The following NAV3 variants were observed in gnomAD, a reference collection of about 807,000 sequenced individuals.
NAV3 encodes the protein neuron navigator 3.
In NAV3, 87 loss-of-function variants were observed where a neutral mutation model predicts 244.7. The ratio of observed to expected loss-of-function variants is 0.36; its 90% confidence interval spans 0.30 to 0.42. The LOEUF (loss-of-function observed/expected upper bound fraction) is 0.42, where lower values mean the gene tolerates loss of function less well. Among genes scored for constraint, NAV3 ranks in the 20% least tolerant of loss-of-function variants. NAV3 has a pLI of 1.00. For missense variants in NAV3, 2,663 were observed against 2,893.3 expected, an observed-to-expected ratio of 0.92 and a Z score of 1.83; for synonymous variants, 1,126 against 1,042.2, an observed-to-expected ratio of 1.08 and a Z score of -1.55.
At chr12:77,585,723 C>T (rs1187537133) in intron 2 of NAV3, among the ~76,000 whole-genome samples, 2 of 152,216 alleles carry the variant, frequency 1.3e-5, no homozygotes, top group Non-Finnish European at 2.9e-5. Flanking sequence ...TCGCCTGTCA[C>T]TCAGCTCCTG....
intron 11 of NAV3, among the ~76,000 whole-genome samples, chr12:78,052,695 A>G (rs1398553331): frequency 6.6e-6 from 1 of 152,088 alleles, no homozygotes; most frequent in African/African-American, 2.4e-5. Context: ...CTAGGAGGCA[A>G]TGCCCAGTTC....
At chr12:78,059,312 CAG>C (rs1883978465) in intron 12 of NAV3, among the ~76,000 whole-genome samples, 197 bp downstream of exon 12, 4 of 151,638 alleles carry the variant, frequency 2.6e-5, no homozygotes, top group African/African-American at 4.9e-5. Context: ...GTGTGTGAGA[CAG>C]AGTCTTGCTC....
intron 2 of NAV3, among the ~76,000 whole-genome samples, chr12:77,697,315 A>G (rs1389443646): frequency 6.6e-6 from 1 of 152,144 alleles, no homozygotes; most frequent in Non-Finnish European, 1.5e-5. Flanking sequence ...ATCTGCCAAC[A>G]GTGATGGGCA....
At chr12:78,003,850 C>G (rs1873746778) in intron 7 of NAV3, among the ~76,000 whole-genome samples, 2 of 152,184 alleles carry the variant, frequency 1.3e-5, no homozygotes, top group African/African-American at 4.8e-5. Flanking sequence ...CTCAGAGGAA[C>G]AGGTGCAAGT....
intron 9 of NAV3, chr12:78,036,621 T>A (rs561142434): frequency 5.5e-6 from 2 of 364,138 alleles, no homozygotes; most frequent in African/African-American, 4.0e-5. Flanking sequence ...GGTGAACTCT[T>A]TTCTGCTTCA....
Position 78,111,181 on chromosome 12 carries a change from A to G in NAV3, c.2637-5591A>G, listed in dbSNP as rs561773735. ...ATGAACACCTAAATACTTGATCACTATGCAATTATATACGTGTAACAAAAT... is the reference window on the plus strand; with the variant it reads ...ATGAACACCTAAATACTTGATCACTGTGCAATTATATACGTGTAACAAAAT... On this transcript the variant is annotated intron_variant, in intron 12 of 39. Coordinates refer to ENST00000397909, the MANE Select transcript of NAV3 (RefSeq NM_001024383.2). 2.6e-4 allele frequency among the ~76,000 whole-genome samples: 40 copies of G among 152,266 alleles called. 1 individual carries two copies. Among genetic ancestry groups the G allele is most frequent in the East Asian group, 1.2e-3 (6 of 5,190 alleles).
chr12:78,083,029 A>C (rs1214215129), intron 12 of NAV3, among the ~76,000 whole-genome samples: 3 of 152,212 alleles, frequency 2.0e-5, no homozygotes, highest in Non-Finnish European at 4.4e-5. Flanking sequence ...AAAATATTTG[A>C]AACTGAATAA....
chr12:77,891,946 T>G (rs746539616), intron 1 of NAV3, among the ~76,000 whole-genome samples: 1 of 152,190 alleles, frequency 6.6e-6, no homozygotes, highest in Non-Finnish European at 1.5e-5. Flanking sequence ...CCTCAGCCAC[T>G]GGTCTAGTAG....
At position 77,730,770 on chromosome 12, in the gene NAV3, C is replaced by CT. The variant is rs200147386; in HGVS notation, c.72+158518dup. Among the ~76,000 whole-genome samples the CT allele has an allele frequency of 7.5e-3, 1,028 of 136,286 alleles. 3 individuals are homozygous for CT. The highest frequency in any genetic ancestry group is 0.019 in the Middle Eastern group (5 of 258). The allele number at this position is 136,286 out of a possible 152,430, so 89.4% of individuals were successfully genotyped here. A position where few individuals can be genotyped will look rare whatever the true frequency, so the allele number is the denominator to read the frequency against. ...GAATGGGATGGCATAGTGCTTTTTTCTTTTTTTTTTTTTTAAAGAAGACAA... is the reference window on the plus strand; with the variant it reads ...GAATGGGATGGCATAGTGCTTTTTTCTTTTTTTTTTTTTTTAAAGAAGACAA... On this transcript the variant is annotated intron_variant, in intron 2 of 8. Transcript: ENST00000550042.
At chr12:77,824,106 A>G (rs947222954) in intron 2 of NAV3, among the ~76,000 whole-genome samples, 7 of 151,982 alleles carry the variant, frequency 4.6e-5, no homozygotes, top group African/African-American at 1.7e-4. Flanking sequence ...ACAGAGTCTC[A>G]CTCTGTCACC....
At chr12:77,662,668 T>C (rs546301455) in intron 2 of NAV3, among the ~76,000 whole-genome samples, 1 of 152,246 alleles carries the variant, frequency 6.6e-6, no homozygotes, top group East Asian at 1.9e-4. Context: ...GATTAATATG[T>C]ATTTTAACTT....
In NAV3 at chr12:77,867,760, C is replaced by G. The variant is rs758781227; in HGVS notation, c.243+36056C>G. 4.6e-5 allele frequency among the ~76,000 whole-genome samples: 7 copies of G among 152,216 alleles called. No individual in the cohort carries two copies. In the East Asian group the frequency reaches 1.2e-3, roughly 25 times the overall value. ...TCAGCAGCATGAGAACAGACTAATA[C>G]AGTAGTATAGCAAAAAATTACTTTC... On this transcript the variant is annotated intron_variant, in intron 1 of 39. Transcript: ENST00000397909.
chr12:78,179,466 G>A, intron 28 of NAV3, 63 bp from the exon 29 acceptor site: 1 of 1,592,548 alleles, frequency 6.3e-7, no homozygotes, highest in Non-Finnish European at 8.6e-7. Flanking sequence ...TTTAAAAGAG[G>A]CAGTGCTTTT....
chr12:77,885,638 A>T (rs969186502), intron 1 of NAV3, among the ~76,000 whole-genome samples: 4 of 152,118 alleles, frequency 2.6e-5, no homozygotes, highest in Non-Finnish European at 5.9e-5. Flanking sequence ...ATTCTTCTAA[A>T]TTTCTTTACC....
chr12:77,673,576 C>T (rs1449838911), intron 2 of NAV3, among the ~76,000 whole-genome samples: 1 of 151,906 alleles, frequency 6.6e-6, no homozygotes, highest in Non-Finnish European at 1.5e-5. Context: ...TTGAACACTC[C>T]TCCAAGTAAT....
chr12:77,915,095 G>C (rs770162913), intron 1 of NAV3, among the ~76,000 whole-genome samples: 1 of 151,854 alleles, frequency 6.6e-6, no homozygotes, highest in Non-Finnish European at 1.5e-5. Context: ...CATGCCTTAG[G>C]ATCTTCTTCT....
At chr12:77,704,294 G>T (rs1189116590) in intron 2 of NAV3, among the ~76,000 whole-genome samples, 1 of 152,028 alleles carries the variant, frequency 6.6e-6, no homozygotes, top group Non-Finnish European at 1.5e-5. Context: ...TGTGTGTGTG[G>T]CATTTATAAA....
intron 5 of NAV3, among the ~76,000 whole-genome samples, chr12:77,991,716 G>A (rs576374018): frequency 6.6e-6 from 1 of 152,238 alleles, no homozygotes; most frequent in African/African-American, 2.4e-5. Context: ...AAAGATAGTA[G>A]AACAGAAACA....
intron 39 of NAV3, among the ~76,000 whole-genome samples, chr12:78,205,952 G>A (rs186185): frequency 0.95 from 143,883 of 152,144 alleles, 68,221 homozygotes; most frequent in East Asian, 1. Context: ...ATAACCTATG[G>A]CTATACCTAA....
Sources: gnomAD v4.1 joint callset for allele counts (sites outside exome capture counted in the v4.1 genomes callset) on GRCh38, gnomAD v4.1.1 for gene constraint, MANE v1.5 for transcripts, NCBI Gene and HGNC (gene_info 2026-07-23, HGNC 2026-07-21) for gene names.